KCNIP1: variants seen among roughly 807,000 people sequenced by gnomAD.
The protein encoded by KCNIP1 is potassium voltage-gated channel interacting protein 1.
Under a neutral mutation model 33.0 loss-of-function variants are expected in KCNIP1, and 18 were observed. That is an observed-to-expected ratio of 0.55 (90% CI 0.38 to 0.81). The LOEUF (loss-of-function observed/expected upper bound fraction) is 0.81, where lower values mean the gene tolerates loss of function less well. KCNIP1 is among the 30% of genes least tolerant of loss of function. The pLI is 0.00. For synonymous variants in KCNIP1, 93 were observed against 98.3 expected (o/e 0.95, Z 0.32); for missense variants, 238 against 271.6 (o/e 0.88, Z 0.87).
At chr5:170,661,086 G>A (rs1581462665) in intron 1 of KCNIP1, among the ~76,000 whole-genome samples, 1 of 152,174 alleles carries the variant, frequency 6.6e-6, no homozygotes, top group African/African-American at 2.4e-5. Flanking sequence ...AGAAATCAAG[G>A]GTTTGGCTTG....
intron 1 of KCNIP1, among the ~76,000 whole-genome samples, chr5:170,717,932 G>T (rs1311262954): frequency 5.3e-5 from 8 of 152,190 alleles, no homozygotes; most frequent in Non-Finnish European, 1.0e-4. Flanking sequence ...TTCTGGCAGG[G>T]CCCAAAGGAA....
At chr5:170,374,230 A>G (rs988255135) in intron 1 of KCNIP1, among the ~76,000 whole-genome samples, 1 of 152,182 alleles carries the variant, frequency 6.6e-6, no homozygotes, top group Non-Finnish European at 1.5e-5. Context: ...TTTATATTGC[A>G]TTATTTTAAA....
chr5:170,653,409 C>T (rs1761132695), intron 1 of KCNIP1, among the ~76,000 whole-genome samples: 1 of 152,102 alleles, frequency 6.6e-6, no homozygotes, highest in South Asian at 2.1e-4. Context: ...TCATCATCAT[C>T]ATCATCATCA....
intron 1 of KCNIP1, among the ~76,000 whole-genome samples, chr5:170,588,656 C>G (rs1446900999): frequency 6.6e-6 from 1 of 152,156 alleles, no homozygotes; most frequent in African/African-American, 2.4e-5. Flanking sequence ...AGCAGCTCCC[C>G]CAGGGAAGAA....
At chr5:170,733,696 T>C (rs1764288142) in intron 6 of KCNIP1, 140 bp from the exon 7 acceptor site, 1 of 662,446 alleles carries the variant, frequency 1.5e-6, no homozygotes, top group Admixed American at 2.6e-5. Flanking sequence ...ACAACTCTCA[T>C]TCTCAGGGCA....
chr5:170,613,857 C>A (rs1759272301), intron 1 of KCNIP1, among the ~76,000 whole-genome samples: 1 of 152,184 alleles, frequency 6.6e-6, no homozygotes, highest in Admixed American at 6.5e-5. Flanking sequence ...CATGTGAATC[C>A]TTCACAGGGG....
Position 170,504,523 on chromosome 5 carries a change from G to A in KCNIP1, c.-50G>A, listed in dbSNP as rs753484196. 4 of 1,610,244 alleles carry A rather than the reference G, an allele frequency of 2.5e-6. No individual in the cohort carries two copies. The highest frequency in any genetic ancestry group is 1.1e-5 in the South Asian group (1 of 91,060). ...ACCACGGGGATTTCTTTCCAGGGTA[G>A]GGGAGGGGCCGGGCCCGGGGTCCCA... On this transcript the variant is annotated 5_prime_UTR_variant, in exon 1 of 8. Coordinates refer to ENST00000328939, the MANE Select transcript of KCNIP1 (RefSeq NM_014592.4). The surrounding 1 kb of genome is among the most constrained non-coding windows in gnomAD (Gnocchi z 6.0).
intron 1 of KCNIP1, among the ~76,000 whole-genome samples, chr5:170,706,538 T>C (rs541011655): frequency 6.6e-6 from 1 of 152,282 alleles, no homozygotes; most frequent in African/African-American, 2.4e-5. Context: ...TCAGAAACCA[T>C]CACTTAGCAA....
At chr5:170,668,188 T>C (rs939670876) in intron 1 of KCNIP1, among the ~76,000 whole-genome samples, 3 of 152,220 alleles carry the variant, frequency 2.0e-5, no homozygotes, top group African/African-American at 7.2e-5. Flanking sequence ...ATGGAGCTGA[T>C]GGGCAAGCCA....
At chr5:170,369,247 G>A (rs1763782543) in intron 1 of KCNIP1, among the ~76,000 whole-genome samples, 1 of 152,120 alleles carries the variant, frequency 6.6e-6, no homozygotes, top group African/African-American at 2.4e-5. Context: ...AGTAAAATGG[G>A]GATAATGAAA....
intron 1 of KCNIP1, among the ~76,000 whole-genome samples, chr5:170,632,065 C>T (rs552643557): frequency 5.3e-5 from 8 of 152,146 alleles, no homozygotes; most frequent in East Asian, 1.9e-4. Flanking sequence ...GAGTCCTCGC[C>T]GGCCACAGAG....
At chr5:170,597,790 TATATATATATATATATATA>T (rs1758502568) in intron 1 of KCNIP1, among the ~76,000 whole-genome samples, 1 of 990 alleles carries the variant, frequency 1.0e-3, no homozygotes, top group Admixed American at 0.013. Flanking sequence ...GATAAATATA[TATATATATATATATATATA>T]TATATATATA....
intron 1 of KCNIP1, among the ~76,000 whole-genome samples, chr5:170,565,867 T>C (rs1247690081): frequency 2.0e-5 from 3 of 152,186 alleles, no homozygotes; most frequent in Non-Finnish European, 2.9e-5. Context: ...CATCTTCATA[T>C]GACACAGCAT....
chr5:170,646,155 TAACA>T (rs1007932162), intron 1 of KCNIP1, among the ~76,000 whole-genome samples: 1 of 152,204 alleles, frequency 6.6e-6, no homozygotes, highest in Non-Finnish European at 1.5e-5. Flanking sequence ...TGGTGAATTC[TAACA>T]AATATTTAAG....
intron 1 of KCNIP1, among the ~76,000 whole-genome samples, chr5:170,523,243 G>A (rs1337167417): frequency 6.6e-6 from 1 of 152,210 alleles, no homozygotes; most frequent in Non-Finnish European, 1.5e-5. Flanking sequence ...CTCGGCCAGG[G>A]ACTGCACTCC....
intron 1 of KCNIP1, among the ~76,000 whole-genome samples, chr5:170,480,908 T>C (rs763038208): frequency 2.6e-5 from 4 of 152,212 alleles, no homozygotes; most frequent in Non-Finnish European, 4.4e-5. Flanking sequence ...CTTTCCTTCT[T>C]ACAAGGATAG....
At chr5:170,522,930 C>T (rs956672301) in intron 1 of KCNIP1, among the ~76,000 whole-genome samples, 1 of 152,188 alleles carries the variant, frequency 6.6e-6, no homozygotes. Context: ...CTTTGATGAT[C>T]GTGTCTGCAG....
intron 1 of KCNIP1, among the ~76,000 whole-genome samples, chr5:170,596,624 C>A (rs867661218): frequency 2.0e-5 from 3 of 152,224 alleles, no homozygotes; most frequent in Non-Finnish European, 4.4e-5. Context: ...CTGGCCAAAC[C>A]ACTGGGGGCC....
chr5:170,410,174 G>T (rs964659230), intron 1 of KCNIP1, among the ~76,000 whole-genome samples: 1 of 152,218 alleles, frequency 6.6e-6, no homozygotes, highest in South Asian at 2.1e-4. Flanking sequence ...CCACTCAGGG[G>T]ATCACAGACA....
Sources: gnomAD v4.1 joint callset for allele counts (sites outside exome capture counted in the v4.1 genomes callset) on GRCh38, gnomAD v4.1.1 for gene constraint, Gnocchi (gnomAD v3.1) non-coding constraint, MANE v1.5 for transcripts, NCBI Gene and HGNC (gene_info 2026-07-23, HGNC 2026-07-21) for gene names.